The following TLN2 variants were observed in gnomAD, a reference collection of about 807,000 sequenced individuals.
The protein encoded by TLN2 is talin-2.
In TLN2, 118 loss-of-function variants were observed where a neutral mutation model predicts 294.7. That is an observed-to-expected ratio of 0.40 (90% CI 0.34 to 0.47). The LOEUF is 0.47. TLN2 is among the 20% of genes least tolerant of loss of function. The pLI is 0.84. For synonymous variants in TLN2, 1,431 were observed against 1,304.5 expected, an observed-to-expected ratio of 1.10 and a Z score of -2.09; for missense variants, 3,083 against 3,282.2, an observed-to-expected ratio of 0.94 and a Z score of 1.48.
chr15:62,427,908 A>G (rs1445963205), intron 1 of TLN2, among the ~76,000 whole-genome samples: 2 of 152,178 alleles, frequency 1.3e-5, no homozygotes, highest in Non-Finnish European at 2.9e-5. Flanking sequence ...AGGCAGTGTC[A>G]GATACGTGGA....
intron 2 of TLN2, among the ~76,000 whole-genome samples, chr15:62,602,436 T>G (rs1479049713): frequency 3.3e-5 from 5 of 152,244 alleles, no homozygotes; most frequent in Non-Finnish European, 5.9e-5. Flanking sequence ...AGGTTCCTTT[T>G]TTCAATTTCA....
chr15:62,696,205 C>G lies in TLN2; in HGVS notation c.1293-1483C>G, dbSNP rs571186015. ...GGCTATCGAGCCTTGCTCTGGGCAA[C>G]AGGGTGCGAGGGCCCTGGGACAGAG... On this transcript the variant is annotated intron_variant, in intron 14 of 58. Transcript: ENST00000636159. 7.0e-4 allele frequency among the ~76,000 whole-genome samples: 107 copies of G among 152,310 alleles called. 1 individual carries two copies. The highest frequency in any genetic ancestry group is 9.9e-4 in the African/African-American group (41 of 41,570).
In TLN2 at chr15:62,836,092, G is replaced by A; in HGVS notation, c.7374+19G>A. Reference sequence around the variant, plus strand: ...GCTACAGGTAATGGTCACTGATGCTGGTGGGAAAATACTCCTGTTGGAGCG... The same window carrying A: ...GCTACAGGTAATGGTCACTGATGCTAGTGGGAAAATACTCCTGTTGGAGCG... On this transcript the variant is annotated intron_variant, in intron 57 of 58. Transcript: ENST00000636159. 1 of 1,596,692 alleles carries A rather than the reference G, an allele frequency of 6.3e-7. No individual in the cohort carries two copies. The highest frequency in any genetic ancestry group is 8.5e-7 in the Non-Finnish European group (1 of 1,172,216).
At chr15:62,732,266 A>G (rs1445023492) in intron 28 of TLN2, among the ~76,000 whole-genome samples, 2 of 152,244 alleles carry the variant, frequency 1.3e-5, no homozygotes, top group South Asian at 2.1e-4. Flanking sequence ...TCTCATACCA[A>G]TAACACCCAG....
chr15:62,742,812 G>T (rs1567508599), intron 32 of TLN2, among the ~76,000 whole-genome samples: 1 of 152,146 alleles, frequency 6.6e-6, no homozygotes, highest in Non-Finnish European at 1.5e-5. Flanking sequence ...GCACATTTTG[G>T]CAAGCTTCTG....
chr15:62,662,739 A>G (rs1034334607), intron 9 of TLN2, among the ~76,000 whole-genome samples: 8 of 152,104 alleles, frequency 5.3e-5, no homozygotes, highest in African/African-American at 1.9e-4. Flanking sequence ...AGTAAAATAC[A>G]TAATATATTC....
chr15:62,444,270 G>A (rs1236483681), intron 1 of TLN2, among the ~76,000 whole-genome samples: 3 of 152,224 alleles, frequency 2.0e-5, no homozygotes, highest in Admixed American at 6.5e-5. Context: ...GGTCTTCAAT[G>A]ATGTGAGGTC....
chr15:62,719,297 C>T (rs989022023), intron 24 of TLN2, among the ~76,000 whole-genome samples: 1 of 152,194 alleles, frequency 6.6e-6, no homozygotes, highest in Non-Finnish European at 1.5e-5. Context: ...GCCATGGCAA[C>T]ACAAAGGCGC....
At chr15:62,674,703 T>C (rs2055945822) in intron 10 of TLN2, among the ~76,000 whole-genome samples, 1 of 152,066 alleles carries the variant, frequency 6.6e-6, no homozygotes, top group South Asian at 2.1e-4. Context: ...GGTTTCACCA[T>C]GTTGGCCAGG....
chr15:62,579,938 G>C (rs1342201884), intron 1 of TLN2, among the ~76,000 whole-genome samples: 1 of 152,188 alleles, frequency 6.6e-6, no homozygotes, highest in Non-Finnish European at 1.5e-5. Context: ...AGCCTTGTGT[G>C]TGCAGCACCT....
intron 1 of TLN2, among the ~76,000 whole-genome samples, chr15:62,449,541 C>T (rs116432407): frequency 6.6e-4 from 100 of 152,190 alleles, no homozygotes; most frequent in African/African-American, 2.3e-3. Flanking sequence ...TAAAAACAGG[C>T]TGGGTATGGT....
At chr15:62,728,807 AT>A (rs1209497382) in intron 28 of TLN2, among the ~76,000 whole-genome samples, 1 of 152,044 alleles carries the variant, frequency 6.6e-6, no homozygotes, top group Admixed American at 6.5e-5. Flanking sequence ...TGTGATTTGC[AT>A]TTTTAGTCTC....
intron 43 of TLN2, among the ~76,000 whole-genome samples, chr15:62,780,578 C>T (rs2064076397): frequency 1.3e-5 from 2 of 152,244 alleles, no homozygotes. Flanking sequence ...TCTTGCCCTT[C>T]TCTCAGTTCC....
intron 1 of TLN2, among the ~76,000 whole-genome samples, chr15:62,571,537 A>G (rs2043856719): frequency 6.6e-6 from 1 of 152,204 alleles, no homozygotes; most frequent in South Asian, 2.1e-4. Flanking sequence ...TAGTAATGTC[A>G]TACTAATACA....
intron 54 of TLN2, among the ~76,000 whole-genome samples, chr15:62,827,297 C>T (rs904558842): frequency 2.0e-5 from 3 of 151,954 alleles, no homozygotes; most frequent in African/African-American, 7.3e-5. Context: ...TGAGGAGGAG[C>T]GGGGGCAGTG....
chr15:62,465,762 G>C (rs1344521895), intron 1 of TLN2, among the ~76,000 whole-genome samples: 1 of 152,238 alleles, frequency 6.6e-6, no homozygotes, highest in Non-Finnish European at 1.5e-5. Flanking sequence ...ATTGAATGCA[G>C]TTGCAGCTGT....
At chr15:62,443,473 C>T (rs1004710994) in intron 1 of TLN2, among the ~76,000 whole-genome samples, 1 of 152,160 alleles carries the variant, frequency 6.6e-6, no homozygotes, top group East Asian at 1.9e-4. Context: ...TATGAATGAG[C>T]TTTTTATTAA....
chr15:62,516,516 T>G (rs2040200581), intron 1 of TLN2, among the ~76,000 whole-genome samples: 1 of 152,234 alleles, frequency 6.6e-6, no homozygotes, highest in Non-Finnish European at 1.5e-5. Flanking sequence ...AGGAACATAT[T>G]CACTCTATGG....
intron 1 of TLN2, among the ~76,000 whole-genome samples, chr15:62,575,164 T>A (rs968474866): frequency 6.6e-6 from 1 of 151,886 alleles, no homozygotes; most frequent in Non-Finnish European, 1.5e-5. Context: ...AATTTAAAAA[T>A]TGGTCCAGAA....
Sources: gnomAD v4.1 joint callset for allele counts (sites outside exome capture counted in the v4.1 genomes callset) on GRCh38, gnomAD v4.1.1 for gene constraint, MANE v1.5 for transcripts, NCBI Gene and HGNC (gene_info 2026-07-23, HGNC 2026-07-21) for gene names.